SHC3: variants seen among roughly 807,000 people sequenced by gnomAD.
The protein encoded by SHC3 is SHC-transforming protein 3.
In SHC3, 15 loss-of-function variants were observed where a neutral mutation model predicts 60.4. The observed-to-expected ratio is 0.25, with a 90% confidence interval of 0.17 to 0.38. SHC3 has a LOEUF of 0.38. Among genes scored for constraint, SHC3 ranks in the 10% least tolerant of loss-of-function variants. The pLI is 1.00. For synonymous variants in SHC3, 294 were observed against 325.9 expected (o/e 0.90, Z 1.05); for missense variants, 677 against 786.1 (o/e 0.86, Z 1.66).
At chr9:89,167,575 G>A (rs759460695) in intron 1 of SHC3, among the ~76,000 whole-genome samples, 1 of 152,198 alleles carries the variant, frequency 6.6e-6, no homozygotes, top group East Asian at 1.9e-4. Context: ...CCACCTGACC[G>A]TGACCTTCTG....
intron 2 of SHC3, among the ~76,000 whole-genome samples, chr9:89,089,533 G>A (rs958455705): frequency 3.3e-5 from 5 of 152,196 alleles, no homozygotes; most frequent in Admixed American, 6.5e-5. Flanking sequence ...GGGGGCAGCT[G>A]CTGGGTTTTA....
chr9:89,074,411 C>T (rs867016523), intron 4 of SHC3, among the ~76,000 whole-genome samples: 24 of 152,250 alleles, frequency 1.6e-4, no homozygotes, highest in Middle Eastern at 3.4e-3. Flanking sequence ...CCTCATTTGA[C>T]CTTCAGAAGT....
At chr9:89,109,950 C>T (rs1825922001) in intron 2 of SHC3, 1 of 985,434 alleles carries the variant, frequency 1.0e-6, no homozygotes, top group Non-Finnish European at 1.2e-6. Context: ...CATGTTCCTT[C>T]ATTTATACCT....
intron 1 of SHC3, among the ~76,000 whole-genome samples, chr9:89,137,029 G>C (rs987525550): frequency 2.0e-5 from 3 of 152,148 alleles, no homozygotes; most frequent in Non-Finnish European, 4.4e-5. Context: ...AGGATGGAGA[G>C]AGAGTGAAGG....
intron 1 of SHC3, among the ~76,000 whole-genome samples, chr9:89,121,924 A>G (rs1025177015): frequency 6.6e-6 from 1 of 152,326 alleles, no homozygotes; most frequent in African/African-American, 2.4e-5. Flanking sequence ...GAGCTGGCCA[A>G]CTTTCACTAT....
intron 5 of SHC3, 101 bp from the exon 6 acceptor site, chr9:89,065,681 CA>C: frequency 8.8e-7 from 1 of 1,132,598 alleles, no homozygotes; most frequent in South Asian, 1.3e-5. Flanking sequence ...AGGACTCAAC[CA>C]CCAAACAGCT....
rs1825385281 is a variant in SHC3, at chr9:89,077,890, G to A, written c.559C>T (p.Arg187Cys). Residue 187 changes from arginine (R) to cysteine (C), a missense_variant, in exon 3 of 12, where the codon CGC becomes TGC. Transcript: ENST00000375835. ...RTQITREAIS[R>C]VCEAVPGAKG... is the part of the protein sequence containing the mutation. ...GCACCAGGCACAGCTTCACAGACGC[G>A]GCTGATGGCTTCCCTTAGGACAGGA... 4 of 1,614,150 alleles carry A rather than the reference G, an allele frequency of 2.5e-6. No individual in the cohort carries two copies. The highest frequency in any genetic ancestry group is 2.5e-6 in the Non-Finnish European group (3 of 1,180,028).
intron 1 of SHC3, among the ~76,000 whole-genome samples, chr9:89,159,085 A>G (rs1826667766): frequency 6.6e-6 from 1 of 152,144 alleles, no homozygotes; most frequent in Non-Finnish European, 1.5e-5. Context: ...GACTTTGAAA[A>G]CCATCAATAA....
intron 2 of SHC3, among the ~76,000 whole-genome samples, chr9:89,101,099 C>A (rs1407552200): frequency 6.6e-6 from 1 of 152,108 alleles, no homozygotes; most frequent in Non-Finnish European, 1.5e-5. Context: ...CATCAATGTT[C>A]AATAGTTCTT....
In SHC3 at chr9:89,013,252, T is replaced by G. The variant is rs1025901180; in HGVS notation, c.*195A>C. On this transcript the variant is annotated 3_prime_UTR_variant, in exon 12 of 12. Transcript: ENST00000375835. Reference sequence around the variant, plus strand: ...ATAATTTGTACAGGATGTATAGGTATGTACACCTTTAATATGCATATGAGA... The same window carrying G: ...ATAATTTGTACAGGATGTATAGGTAGGTACACCTTTAATATGCATATGAGA... The G allele has an allele frequency of 1.8e-5, 8 of 452,688 alleles. No individual in the cohort carries two copies. Among genetic ancestry groups the G allele is most frequent in the African/African-American group, 1.4e-4 (7 of 49,864 alleles). 28.0% of individuals were successfully genotyped at this position (452,688 alleles called of 1,614,324 possible).
intron 1 of SHC3, among the ~76,000 whole-genome samples, chr9:89,172,185 G>C (rs923771003): frequency 1.3e-5 from 2 of 152,184 alleles, no homozygotes; most frequent in African/African-American, 4.8e-5. Flanking sequence ...TCCAAATAGG[G>C]ATGCCTAATC....
chr9:89,046,077 C>G (rs1390342655), intron 8 of SHC3, among the ~76,000 whole-genome samples: 1 of 130,996 alleles, frequency 7.6e-6, no homozygotes, highest in Non-Finnish European at 1.6e-5. Flanking sequence ...TTCATTACCC[C>G]CCCCACCCCT....
At chr9:89,124,835 C>T (rs1826141642) in intron 1 of SHC3, among the ~76,000 whole-genome samples, 1 of 151,466 alleles carries the variant, frequency 6.6e-6, no homozygotes, top group African/African-American at 2.4e-5. Context: ...GCACATGTAT[C>T]CCAGAACTTA....
intron 1 of SHC3, among the ~76,000 whole-genome samples, chr9:89,119,576 G>A (rs1212234050): frequency 5.3e-5 from 8 of 152,090 alleles, no homozygotes; most frequent in African/African-American, 1.7e-4. Flanking sequence ...AATGAGAAAT[G>A]TACAAAATCA....
At chr9:89,101,394 T>G (rs1825780695) in intron 2 of SHC3, among the ~76,000 whole-genome samples, 1 of 152,130 alleles carries the variant, frequency 6.6e-6, no homozygotes, top group African/African-American at 2.4e-5. Context: ...GGCTTTTATT[T>G]TTTTCTTGCC....
At chr9:89,033,552 C>T (rs752039914) in intron 11 of SHC3, among the ~76,000 whole-genome samples, 14 of 152,180 alleles carry the variant, frequency 9.2e-5, no homozygotes, top group Non-Finnish European at 1.5e-4. Context: ...TCCACAGGCT[C>T]TCAACTCTTA....
intron 11 of SHC3, among the ~76,000 whole-genome samples, chr9:89,036,188 C>G (rs1824575540): frequency 6.6e-6 from 1 of 151,878 alleles, no homozygotes; most frequent in South Asian, 2.1e-4. Flanking sequence ...TGCTGAAAAC[C>G]TCAACAAGAA....
intron 7 of SHC3, among the ~76,000 whole-genome samples, chr9:89,050,921 T>C (rs1824852067): frequency 6.6e-6 from 1 of 151,414 alleles, no homozygotes; most frequent in African/African-American, 2.4e-5. Flanking sequence ...TTTTTTAATA[T>C]GATGGCCATA....
chr9:89,120,259 A>G (rs1011977345), intron 1 of SHC3, among the ~76,000 whole-genome samples: 2 of 152,230 alleles, frequency 1.3e-5, no homozygotes, highest in African/African-American at 2.4e-5. Flanking sequence ...GTAAAACAAA[A>G]CAAATGACAT....
Sources: gnomAD v4.1 joint callset for allele counts (sites outside exome capture counted in the v4.1 genomes callset) on GRCh38, gnomAD v4.1.1 for gene constraint, MANE v1.5 for transcripts, NCBI Gene and HGNC (gene_info 2026-07-23, HGNC 2026-07-21) for gene names.